SGCD: variants seen among roughly 807,000 people sequenced by gnomAD.
SGCD encodes delta-sarcoglycan.
In SGCD, 18 loss-of-function variants were observed where a neutral mutation model predicts 36.6. The observed-to-expected ratio is 0.49, with a 90% CI of 0.34 to 0.73. The LOEUF (loss-of-function observed/expected upper bound fraction) is 0.73. Ranked by LOEUF, SGCD falls within the 30% of genes least tolerant of loss-of-function variation. The pLI is 0.01. For missense variants in SGCD, 387 were observed against 346.7 expected, an observed-to-expected ratio of 1.12 and a Z score of -0.92; for synonymous variants, 133 against 130.6, an observed-to-expected ratio of 1.02 and a Z score of -0.12.
chr5:155,780,796 A>T, the SGCD span, among the ~76,000 whole-genome samples: 13,954 of 152,216 alleles, frequency 0.092, 827 homozygotes, highest in South Asian at 0.2. Context: ...AATAAAGAAA[A>T]TTTTTTGACC....
intron 3 of SGCD, among the ~76,000 whole-genome samples, chr5:156,436,314 G>T (rs1027990515): frequency 6.6e-6 from 1 of 152,192 alleles, no homozygotes; most frequent in African/African-American, 2.4e-5. Context: ...CTGAAACATG[G>T]ATAGGCCCAC....
chr5:155,731,347 G>C, the SGCD span, among the ~76,000 whole-genome samples: 4 of 152,076 alleles, frequency 2.6e-5, no homozygotes, highest in South Asian at 8.3e-4. Flanking sequence ...GGGAATGGGT[G>C]GGGAAGTCAG....
At chr5:156,343,872 CA>C (rs1768800564) in intron 2 of SGCD, among the ~76,000 whole-genome samples, 1 of 152,102 alleles carries the variant, frequency 6.6e-6, no homozygotes, top group Non-Finnish European at 1.5e-5. Flanking sequence ...AAGACTAACT[CA>C]GGGGGTAGTT....
intron 2 of SGCD, among the ~76,000 whole-genome samples, chr5:156,122,452 G>T (rs1005938251): frequency 6.6e-6 from 1 of 152,080 alleles, no homozygotes; most frequent in Non-Finnish European, 1.5e-5. Context: ...TTTTACAAGG[G>T]TCCTCACTGG....
At chr5:155,922,993 G>A (rs1307722400) in intron 1 of SGCD, among the ~76,000 whole-genome samples, 2 of 152,150 alleles carry the variant, frequency 1.3e-5, no homozygotes, top group African/African-American at 4.8e-5. Context: ...TAACCATACA[G>A]CATGAAACAT....
chr5:155,814,791 C>T, the SGCD span, among the ~76,000 whole-genome samples: 1 of 152,118 alleles, frequency 6.6e-6, no homozygotes, highest in Non-Finnish European at 1.5e-5. Context: ...ACTCTAATGA[C>T]TATGTTTACT....
intron 1 of SGCD, among the ~76,000 whole-genome samples, chr5:155,907,455 T>A (rs1756542836): frequency 6.6e-6 from 1 of 152,070 alleles, no homozygotes; most frequent in African/African-American, 2.4e-5. Flanking sequence ...CTGAGCAAAA[T>A]AAATTAAAAA....
chr5:155,832,715 G>A, the SGCD span, among the ~76,000 whole-genome samples: 1 of 148,846 alleles, frequency 6.7e-6, no homozygotes, highest in Admixed American at 6.7e-5. Context: ...AAAAAAAATT[G>A]TTGAGTGAGT....
intron 1 of SGCD, among the ~76,000 whole-genome samples, chr5:155,896,795 G>T (rs1297883679): frequency 6.6e-6 from 1 of 152,174 alleles, no homozygotes; most frequent in Non-Finnish European, 1.5e-5. Context: ...TGCCAGCCTA[G>T]CTAGGAGACT....
chr5:156,075,429 A>G (rs1760748214), intron 1 of SGCD, among the ~76,000 whole-genome samples: 1 of 152,340 alleles, frequency 6.6e-6, no homozygotes, highest in Middle Eastern at 3.4e-3. Context: ...GTAGATGCAC[A>G]GAGGTAGTCT....
intron 3 of SGCD, among the ~76,000 whole-genome samples, chr5:156,190,890 A>G (rs1219318923): frequency 6.6e-6 from 1 of 152,152 alleles, no homozygotes; most frequent in Admixed American, 6.6e-5. Context: ...TTATAAAATT[A>G]GCTTCTGAGA....
intron 1 of SGCD, among the ~76,000 whole-genome samples, chr5:155,884,627 A>G (rs577675604): frequency 4.6e-5 from 7 of 152,280 alleles, no homozygotes; most frequent in African/African-American, 1.7e-4. Context: ...CTTACCTCTT[A>G]GTATATTTAG....
chr5:156,347,827 C>T (rs1225659171), intron 3 of SGCD, among the ~76,000 whole-genome samples: 2 of 152,110 alleles, frequency 1.3e-5, no homozygotes, highest in Non-Finnish European at 2.9e-5. Flanking sequence ...ATATTGAGTA[C>T]CACTTATATG....
chr5:156,013,690 G>A (rs1336326012), intron 1 of SGCD, among the ~76,000 whole-genome samples: 4 of 151,948 alleles, frequency 2.6e-5, no homozygotes, highest in Non-Finnish European at 4.4e-5. Flanking sequence ...TATATTGAGA[G>A]TGTTTGCTCT....
intron 3 of SGCD, among the ~76,000 whole-genome samples, chr5:156,271,177 C>G (rs891749904): frequency 5.3e-5 from 8 of 152,112 alleles, no homozygotes; most frequent in African/African-American, 1.9e-4. Flanking sequence ...AAAGGTAATT[C>G]TATTTCCAGG....
At chr5:156,092,814 G>GT (rs1242369231) in intron 1 of SGCD, among the ~76,000 whole-genome samples, 2 of 152,204 alleles carry the variant, frequency 1.3e-5, no homozygotes, top group East Asian at 3.9e-4. Flanking sequence ...AGAGAAAGCT[G>GT]TTTCTTTAGT....
rs1191317620 is a variant in SGCD at position 155,949,604 on chromosome 5, A to G, written c.-282+79180A>G. On this transcript the variant is annotated intron_variant, in intron 1 of 9. Coordinates refer to the SGCD transcript ENST00000517913. The stretch of plus-strand genomic sequence containing the variant: ...GCGATAGATTTTACACGTCTAAATA[A>G]TTGGAAAAGTCAAATTGAGAGCAAT... Among the ~76,000 whole-genome samples, 8 of 152,176 alleles carry G rather than the reference A, an allele frequency of 5.3e-5. No individual in the cohort carries two copies. In the South Asian group the frequency reaches 6.2e-4, roughly 12 times the overall value.
chr5:155,728,349 C>A, the SGCD span, among the ~76,000 whole-genome samples: 1 of 152,166 alleles, frequency 6.6e-6, no homozygotes, highest in Non-Finnish European at 1.5e-5. Flanking sequence ...CCGGCGAGAT[C>A]GCCCTCCATG....
chr5:156,434,104 C>T (rs1457475083), intron 3 of SGCD, among the ~76,000 whole-genome samples: 1 of 152,216 alleles, frequency 6.6e-6, no homozygotes, highest in Non-Finnish European at 1.5e-5. Flanking sequence ...AGGATACCAT[C>T]AGAGCCACCT....
Sources: gnomAD v4.1 joint callset for allele counts (sites outside exome capture counted in the v4.1 genomes callset) on GRCh38, gnomAD v4.1.1 for gene constraint, MANE v1.5 for transcripts, NCBI Gene and HGNC (gene_info 2026-07-23, HGNC 2026-07-21) for gene names.